PKIB: variants seen among roughly 807,000 people sequenced by gnomAD.
The protein encoded by PKIB is cAMP-dependent protein kinase inhibitor beta.
PKIB carries 2 observed loss-of-function variants against 4.5 expected under a neutral mutation model. That is an observed-to-expected ratio of 0.44 (90% CI 0.18 to 1.39). The LOEUF (loss-of-function observed/expected upper bound fraction) is 1.39. Among genes scored for constraint, PKIB ranks in the 40% most tolerant of loss-of-function variants. The pLI is 0.27. For missense variants in PKIB, 94 were observed against 92.6 expected (o/e 1.02, Z -0.06); for synonymous variants, 38 against 36.0 (o/e 1.06, Z -0.20).
At chr6:122,705,564 CT>C (rs142542177) in intron 3 of PKIB, among the ~76,000 whole-genome samples, 30,188 of 112,600 alleles carry the variant, frequency 0.27, 2,937 homozygotes, top group South Asian at 0.46. Flanking sequence ...GAAAGCGCAT[CT>C]TTTTTTTTTT....
intron 2 of PKIB, among the ~76,000 whole-genome samples, chr6:122,516,915 G>A (rs1307903496): frequency 1.3e-5 from 2 of 152,098 alleles, no homozygotes; most frequent in Non-Finnish European, 2.9e-5. Flanking sequence ...TTTAAAAGCT[G>A]GGGTGAGCAG....
intron 2 of PKIB, among the ~76,000 whole-genome samples, chr6:122,673,120 AT>A (rs560055603): frequency 1.3e-5 from 2 of 151,244 alleles, no homozygotes; most frequent in South Asian, 2.1e-4. Flanking sequence ...TATTTCACTC[AT>A]TTTTTTTTAT....
intron 2 of PKIB, chr6:122,477,957 C>T (rs551221210): frequency 6.6e-6 from 1 of 152,286 alleles, no homozygotes; most frequent in Admixed American, 6.5e-5. Context: ...CTTAATTTCT[C>T]CATAAAGCTT....
intron 2 of PKIB, among the ~76,000 whole-genome samples, chr6:122,576,716 T>TATATATATATATATA (rs1562257709): frequency 2.0e-5 from 2 of 100,632 alleles, no homozygotes; most frequent in Non-Finnish European, 2.1e-5. Context: ...ATATATTTTC[T>TATATATATATATATA]TTTGTATAAT....
chr6:122,663,932 G>A lies in PKIB; in HGVS notation c.-75-11146G>A, dbSNP rs1777114202. Among the ~76,000 whole-genome samples the A allele has an allele frequency of 2.6e-5, 4 of 152,168 alleles. No homozygotes were observed. The South Asian group carries it at 8.3e-4, about 32-fold the overall frequency. ...ATGCCTCAGAGAAATATGGAGGTGGGTGGAATCATTCTACTGAAAATTAGT... is the reference window on the plus strand; with the variant it reads ...ATGCCTCAGAGAAATATGGAGGTGGATGGAATCATTCTACTGAAAATTAGT... On this transcript the variant is annotated intron_variant, in intron 2 of 4. Transcript: ENST00000368452.
At chr6:122,595,116 G>A (rs1188880290) in intron 3 of PKIB, among the ~76,000 whole-genome samples, 2 of 152,174 alleles carry the variant, frequency 1.3e-5, no homozygotes, top group Non-Finnish European at 2.9e-5. Flanking sequence ...TTTGCTAGTG[G>A]ATCACTAGGG....
At chr6:122,597,846 T>C (rs1774228254) in intron 3 of PKIB, among the ~76,000 whole-genome samples, 1 of 152,142 alleles carries the variant, frequency 6.6e-6, no homozygotes, top group Non-Finnish European at 1.5e-5. Context: ...GGGGACCAAC[T>C]GGACCCACTG....
chr6:122,648,637 T>C (rs1283447663), intron 2 of PKIB, among the ~76,000 whole-genome samples: 1 of 152,222 alleles, frequency 6.6e-6, no homozygotes, highest in Non-Finnish European at 1.5e-5. Flanking sequence ...GGATGAATTA[T>C]TCTGTAAATT....
intron 2 of PKIB, among the ~76,000 whole-genome samples, chr6:122,569,592 CT>C (rs1225122938): frequency 6.6e-6 from 1 of 152,196 alleles, no homozygotes; most frequent in African/African-American, 2.4e-5. Context: ...CCTCTACCAC[CT>C]TCGTCAGAAA....
chr6:122,550,130 G>A (rs1772630726), intron 2 of PKIB, among the ~76,000 whole-genome samples: 2 of 151,854 alleles, frequency 1.3e-5, no homozygotes, highest in African/African-American at 4.8e-5. Context: ...GCCCAGACTG[G>A]TCTCTAACTC....
chr6:122,606,218 C>T (rs1397285195), upstream of PKIB, among the ~76,000 whole-genome samples: 3 of 152,120 alleles, frequency 2.0e-5, no homozygotes, highest in African/African-American at 7.2e-5. Context: ...AAAATGGATG[C>T]AGAGATTGGA....
chr6:122,717,772 A>G lies in PKIB; in HGVS notation c.-8-15A>G, dbSNP rs972209701. ...GAATAGGCTCATCTTCTTCATATGC[A>G]CATTCTATTTGTAGATGTTGCTATG... On this transcript the variant is annotated splice_polypyrimidine_tract_variant and intron_variant, in intron 3 of 4. Transcript: ENST00000368452. The G allele has an allele frequency of 3.7e-6, 6 of 1,612,568 alleles. No individual in the cohort carries two copies. The highest frequency in any genetic ancestry group is 5.1e-6 in the Non-Finnish European group (6 of 1,178,876).
intron 1 of PKIB, among the ~76,000 whole-genome samples, chr6:122,615,420 G>T (rs749444318): frequency 2.0e-5 from 3 of 152,228 alleles, no homozygotes; most frequent in African/African-American, 4.8e-5. Context: ...TTTGATGGTA[G>T]TTGGGATATG....
intron 2 of PKIB, among the ~76,000 whole-genome samples, chr6:122,511,313 C>T (rs986316720): frequency 2.6e-5 from 4 of 152,138 alleles, no homozygotes; most frequent in African/African-American, 7.2e-5. Context: ...TAAGATTTTC[C>T]GTATCAACTT....
In PKIB at chr6:122,725,275, T is replaced by C; in HGVS notation, c.*80T>C. On this transcript the variant is annotated 3_prime_UTR_variant, in exon 5 of 5. Coordinates refer to ENST00000368452, the MANE Select transcript of PKIB (RefSeq NM_181795.3). Reference sequence around the variant, plus strand: ...TTCTGTTTTCTTGAGACATTTAATCTGGTGGTAACTGTGGTAACATTGCAG... The same window carrying C: ...TTCTGTTTTCTTGAGACATTTAATCCGGTGGTAACTGTGGTAACATTGCAG... The C allele has an allele frequency of 8.7e-7, 1 of 1,153,960 alleles. No homozygotes were observed. 71.5% of individuals were successfully genotyped at this position (1,153,960 alleles called of 1,614,324 possible). A position where few individuals can be genotyped will look rare whatever the true frequency, so the allele number is the denominator to read the frequency against.
chr6:122,592,412 T>C (rs1259875428), intron 3 of PKIB, among the ~76,000 whole-genome samples: 1 of 152,190 alleles, frequency 6.6e-6, no homozygotes, highest in Non-Finnish European at 1.5e-5. Flanking sequence ...TAAGTTAGGG[T>C]TTGAGTAAAT....
chr6:122,516,969 A>C (rs962073547), intron 2 of PKIB, among the ~76,000 whole-genome samples: 2 of 152,164 alleles, frequency 1.3e-5, no homozygotes. Flanking sequence ...TCCCACCCAT[A>C]GTGTGGGAAT....
chr6:122,565,595 A>G (rs1372608896), intron 2 of PKIB, among the ~76,000 whole-genome samples: 1 of 152,226 alleles, frequency 6.6e-6, no homozygotes, highest in Non-Finnish European at 1.5e-5. Context: ...AGAGTATGAC[A>G]GGTAACAGTT....
At chr6:122,541,472 G>A (rs1485173007) in intron 2 of PKIB, among the ~76,000 whole-genome samples, 1 of 151,870 alleles carries the variant, frequency 6.6e-6, no homozygotes, top group Admixed American at 6.6e-5. Context: ...GAAATTCTGG[G>A]TTGAAAATTC....
Sources: allele counts gnomAD v4.1 joint callset (sites outside exome capture counted in the v4.1 genomes callset), GRCh38; gene constraint gnomAD v4.1.1; transcripts MANE v1.5; gene names NCBI Gene and HGNC (gene_info 2026-07-23, HGNC 2026-07-21).